ERC2: variants seen among roughly 807,000 people sequenced by gnomAD.
The protein encoded by ERC2 is ERC protein 2.
A neutral mutation model predicts 114.8 loss-of-function variants in ERC2; 42 were observed. That is an observed-to-expected ratio of 0.37 (90% CI 0.29 to 0.47). ERC2 has a LOEUF of 0.47. Among genes scored for constraint, ERC2 ranks in the 20% least tolerant of loss-of-function variants. The pLI is 0.99. For missense variants in ERC2, 939 were observed against 1,150.7 expected (o/e 0.82, Z 2.66); for synonymous variants, 454 against 425.5 (o/e 1.07, Z -0.82).
chr3:55,781,484 T>C (rs1196057144), intron 14 of ERC2, among the ~76,000 whole-genome samples: 1 of 149,418 alleles, frequency 6.7e-6, no homozygotes, highest in Non-Finnish European at 1.5e-5. Flanking sequence ...ATTCATTTAA[T>C]TTTTTAAAAA....
rs141559938 is a variant in ERC2, at chr3:55,809,052, A to C, written c.2565-74134T>G. Reference sequence around the variant, plus strand: ...TCCCCCAGTGCAGTCTTTTTAAAAAAATCCTACAGAATTCTATGGCTTTCA... The same window carrying C: ...TCCCCCAGTGCAGTCTTTTTAAAAACATCCTACAGAATTCTATGGCTTTCA... On this transcript the variant is annotated intron_variant, in intron 14 of 17. Transcript: ENST00000288221. Among the ~76,000 whole-genome samples, 1,103 of 152,176 alleles carry C rather than the reference A, an allele frequency of 7.2e-3. 12 individuals are homozygous for C. Among genetic ancestry groups the C allele is most frequent in the African/African-American group, 0.025 (1,039 of 41,536 alleles).
chr3:56,379,810 T>C (rs1050866005), intron 2 of ERC2, among the ~76,000 whole-genome samples: 2 of 152,186 alleles, frequency 1.3e-5, no homozygotes, highest in African/African-American at 2.4e-5. Flanking sequence ...GGGAATGAAA[T>C]ATGTTCAACA....
chr3:56,201,373 C>A lies in ERC2; in HGVS notation c.1075-27853G>T, dbSNP rs139845322. Among the ~76,000 whole-genome samples the A allele has an allele frequency of 2.6e-3, 393 of 152,270 alleles. 1 individual carries two copies. The highest frequency in any genetic ancestry group is 0.018 in the South Asian group (87 of 4,826). ...TTTACTTATAAAACATATGATGGAG[C>A]CCTTCTGGGGTCAGTTCACTCTTCT... On this transcript the variant is annotated intron_variant, in intron 3 of 17. Coordinates refer to ENST00000288221, the MANE Select transcript of ERC2 (RefSeq NM_015576.3).
At chr3:55,813,035 A>AT (rs2059780527) in intron 14 of ERC2, among the ~76,000 whole-genome samples, 1 of 152,240 alleles carries the variant, frequency 6.6e-6, no homozygotes, top group Admixed American at 6.5e-5. Context: ...ATAAAAGTCC[A>AT]ATGAGAAAAT....
intron 17 of ERC2, among the ~76,000 whole-genome samples, chr3:55,523,749 T>C (rs1268438704): frequency 6.6e-6 from 1 of 152,198 alleles, no homozygotes; most frequent in African/African-American, 2.4e-5. Flanking sequence ...AATATTGAAG[T>C]AGGTGAAGAA....
intron 15 of ERC2, among the ~76,000 whole-genome samples, chr3:55,720,575 G>A (rs772733989): frequency 2.0e-5 from 3 of 152,008 alleles, no homozygotes; most frequent in Admixed American, 6.5e-5. Context: ...GTGAGCCACC[G>A]CACCCAGCTA....
At chr3:56,100,220 G>A (rs539594913) in intron 6 of ERC2, among the ~76,000 whole-genome samples, 1 of 152,248 alleles carries the variant, frequency 6.6e-6, no homozygotes, top group African/African-American at 2.4e-5. Context: ...TTTTTCAAAT[G>A]TAAGTTTAAT....
At chr3:56,411,049 C>CAAAAAA (rs1224748738) in intron 2 of ERC2, among the ~76,000 whole-genome samples, 1 of 122,034 alleles carries the variant, frequency 8.2e-6, no homozygotes, top group African/African-American at 3.7e-5. Context: ...TGAATTATCT[C>CAAAAAA]AGAAAAAAAA....
chr3:56,065,717 T>C (rs909581054), intron 7 of ERC2, among the ~76,000 whole-genome samples: 1 of 151,870 alleles, frequency 6.6e-6, no homozygotes, highest in South Asian at 2.1e-4. Context: ...CCCTACTGAC[T>C]GGCCCTGGTG....
intron 10 of ERC2, among the ~76,000 whole-genome samples, chr3:56,006,008 A>G (rs1398786173): frequency 6.6e-6 from 1 of 152,062 alleles, no homozygotes; most frequent in Non-Finnish European, 1.5e-5. Context: ...GCTTAACTAA[A>G]TATTGCTTGA....
At chr3:56,151,734 G>A (rs1307566812) in intron 4 of ERC2, among the ~76,000 whole-genome samples, 9 of 152,158 alleles carry the variant, frequency 5.9e-5, no homozygotes. Flanking sequence ...GGAGTACTAT[G>A]GAAGTCCATA....
At chr3:56,409,459 G>GA (rs1032283540) in intron 2 of ERC2, among the ~76,000 whole-genome samples, 21 of 138,244 alleles carry the variant, frequency 1.5e-4, no homozygotes, top group Non-Finnish European at 2.5e-4. Context: ...CTTTAACTGG[G>GA]AAAAAAACCA....
intron 3 of ERC2, among the ~76,000 whole-genome samples, chr3:56,176,888 T>C (rs1264888481): frequency 6.6e-5 from 10 of 152,170 alleles, no homozygotes; most frequent in Non-Finnish European, 1.5e-5. Context: ...TTCTGTCCAG[T>C]GGAATGTGGT....
At chr3:55,979,440 C>T (rs1048790981) in intron 12 of ERC2, among the ~76,000 whole-genome samples, 7 of 152,172 alleles carry the variant, frequency 4.6e-5, no homozygotes, top group Non-Finnish European at 8.8e-5. Flanking sequence ...TAAAATGTCT[C>T]AAGACTTGCT....
chr3:55,869,747 G>A (rs2062490046), intron 14 of ERC2, among the ~76,000 whole-genome samples: 1 of 152,042 alleles, frequency 6.6e-6, no homozygotes, highest in South Asian at 2.1e-4. Flanking sequence ...GACTAGGCAG[G>A]GACCATGTCA....
intron 17 of ERC2, among the ~76,000 whole-genome samples, chr3:55,583,379 CTTCT>C (rs765652549): frequency 0.025 from 3,477 of 141,398 alleles, 86 homozygotes; most frequent in South Asian, 0.062. Flanking sequence ...GCCTTCTTTC[CTTCT>C]TTCTTTCCTT....
At chr3:55,645,449 T>C (rs531494791) in intron 17 of ERC2, among the ~76,000 whole-genome samples, 2 of 152,242 alleles carry the variant, frequency 1.3e-5, no homozygotes, top group Admixed American at 6.5e-5. Context: ...ATCATGCTTA[T>C]TGGCTTTTCT....
At chr3:56,040,789 TA>T (rs2075143922) in intron 7 of ERC2, among the ~76,000 whole-genome samples, 1 of 46,384 alleles carries the variant, frequency 2.2e-5, no homozygotes, top group African/African-American at 5.4e-5. Context: ...GAGATATATA[TA>T]GATATATATA....
chr3:56,441,673 C>T (rs1206680319), intron 1 of ERC2, among the ~76,000 whole-genome samples: 2 of 152,094 alleles, frequency 1.3e-5, no homozygotes, highest in African/African-American at 2.4e-5. Context: ...GGCATAATCT[C>T]GGCTCACTGC....
Sources: gnomAD v4.1 joint callset for allele counts (sites outside exome capture counted in the v4.1 genomes callset) on GRCh38, gnomAD v4.1.1 for gene constraint, MANE v1.5 for transcripts, NCBI Gene and HGNC (gene_info 2026-07-23, HGNC 2026-07-21) for gene names.